Variants in AKAP6 observed in about 807,000 individuals in gnomAD.
AKAP6 encodes A-kinase anchoring protein 6.
AKAP6 carries 58 observed loss-of-function variants against 188.5 expected under a neutral mutation model. The observed-to-expected ratio is 0.31, with a 90% CI of 0.25 to 0.38. AKAP6 has a LOEUF of 0.38. Ranked by LOEUF, AKAP6 falls within the 10% of genes least tolerant of loss-of-function variation. The pLI is 1.00. For synonymous variants in AKAP6, 989 were observed against 998.6 expected (o/e 0.99, Z 0.18); for missense variants, 2,710 against 2,740.0 (o/e 0.99, Z 0.24).
At chr14:32,454,711 CCCTCCTTCTCTCCT>C in intron 2 of AKAP6, among the ~76,000 whole-genome samples, 1 of 57,954 alleles carries the variant, frequency 1.7e-5, no homozygotes, top group African/African-American at 6.7e-5. Context: ...CTCCCTCCTT[CCCTCCTTCTCTCCT>C]TCCCTCCTTC....
chr14:32,514,501 A>T (rs371190035), intron 2 of AKAP6, among the ~76,000 whole-genome samples: 99 of 152,340 alleles, frequency 6.5e-4, no homozygotes, highest in African/African-American at 2.3e-3. Context: ...GAAATCCCAA[A>T]TAGAACTTTG....
rs1313327338 is a variant in AKAP6, at chr14:32,438,272, C to T, written c.324+4455C>T. Reference sequence around the variant, plus strand: ...GGGAGTCTGCCCAGGAAAGTCTGTTCTTCTTCTGTAAATGGTTGTGCCTGG... The same window carrying T: ...GGGAGTCTGCCCAGGAAAGTCTGTTTTTCTTCTGTAAATGGTTGTGCCTGG... On this transcript the variant is annotated intron_variant, in intron 2 of 13. Transcript: ENST00000280979. 2.0e-5 allele frequency among the ~76,000 whole-genome samples: 3 copies of T among 151,940 alleles called. No homozygotes were observed. The East Asian group carries it at 5.8e-4, about 29-fold the overall frequency.
intron 7 of AKAP6, among the ~76,000 whole-genome samples, chr14:32,661,516 G>A (rs1260068015): frequency 6.6e-6 from 1 of 152,088 alleles, no homozygotes; most frequent in Non-Finnish European, 1.5e-5. Flanking sequence ...AGAGAGTTTC[G>A]ATTAAGTCCA....
intron 1 of AKAP6, among the ~76,000 whole-genome samples, chr14:32,400,572 A>AAAAAAAAAAAAAAC: frequency 6.7e-6 from 1 of 149,042 alleles, no homozygotes; most frequent in Non-Finnish European, 1.5e-5. Context: ...GCAAAAAAAA[A>AAAAAAAAAAAAAAC]AAAAAAAGAC....
intron 11 of AKAP6, among the ~76,000 whole-genome samples, chr14:32,746,800 C>G (rs1307187592): frequency 1.3e-5 from 2 of 152,136 alleles, no homozygotes. Flanking sequence ...GGTCAAAGAT[C>G]TGTTACTTGA....
intron 1 of AKAP6, chr14:32,385,054 A>G (rs1197497386): frequency 2.6e-5 from 4 of 151,568 alleles, no homozygotes; most frequent in African/African-American, 2.4e-5. Context: ...GCTCTAGACT[A>G]CTTTTTTGGT....
chr14:32,588,272 C>T (rs987838343), intron 5 of AKAP6, among the ~76,000 whole-genome samples: 2 of 152,208 alleles, frequency 1.3e-5, no homozygotes, highest in African/African-American at 4.8e-5. Flanking sequence ...ATCTATTGCA[C>T]ATTTTAGCAG....
chr14:32,435,117 A>G (rs1341211558), intron 2 of AKAP6, among the ~76,000 whole-genome samples: 2 of 152,134 alleles, frequency 1.3e-5, no homozygotes, highest in Non-Finnish European at 2.9e-5. Flanking sequence ...CAGGTCTCCA[A>G]CTCCTTGAGG....
chr14:32,534,964 TAA>T (rs1183676680), intron 2 of AKAP6, among the ~76,000 whole-genome samples: 3 of 46,692 alleles, frequency 6.4e-5, no homozygotes, highest in African/African-American at 7.7e-5. Context: ...AAACTCTATC[TAA>T]AAAAAAAAAA....
chr14:32,611,447 A>C (rs1478501255), intron 7 of AKAP6, among the ~76,000 whole-genome samples: 1 of 152,234 alleles, frequency 6.6e-6, no homozygotes, highest in Non-Finnish European at 1.5e-5. Context: ...CTTGTGTAAC[A>C]GTTGAAAATG....
chr14:32,797,842 C>T (rs1320087313), intron 12 of AKAP6, among the ~76,000 whole-genome samples: 3 of 150,574 alleles, frequency 2.0e-5, no homozygotes, highest in Admixed American at 6.6e-5. Context: ...GACATAGGCC[C>T]TTGCAAAGAT....
At chr14:32,460,797 C>A (rs902181833) in intron 2 of AKAP6, among the ~76,000 whole-genome samples, 3 of 152,230 alleles carry the variant, frequency 2.0e-5, no homozygotes, top group Non-Finnish European at 4.4e-5. Flanking sequence ...TCCCATGGAG[C>A]CCAGCAAGCT....
chr14:32,787,144 A>T lies in AKAP6; in HGVS notation c.3588+13251A>T, dbSNP rs76942265. Among the ~76,000 whole-genome samples the T allele has an allele frequency of 0.019, 2,852 of 152,340 alleles. 211 individuals are homozygous for T. In the East Asian group the frequency reaches 0.23, roughly 12 times the overall value. ...TAACATAACCAATTACCACATTTTA[A>T]TTAGAGTTCTAAGAACTCGAGGAAA... On this transcript the variant is annotated intron_variant, in intron 12 of 13. Coordinates refer to ENST00000280979, the MANE Select transcript of AKAP6 (RefSeq NM_004274.5).
intron 2 of AKAP6, among the ~76,000 whole-genome samples, chr14:32,492,355 T>TATATATATATATATATATAGAG: frequency 0.011 from 879 of 82,382 alleles, 13 homozygotes; most frequent in Admixed American, 0.017. Context: ...TATATATATA[T>TATATATATATATATATATAGAG]AGAGAGAGAG....
At position 32,530,342 on chromosome 14, in the gene AKAP6, CT is replaced by C. The variant is rs559119001; in HGVS notation, c.325-5209del. Among the ~76,000 whole-genome samples the C allele has an allele frequency of 3.0e-4, 45 of 152,020 alleles. No homozygotes were observed. In the East Asian group the frequency reaches 7.2e-3, roughly 24 times the overall value. ...TCACCCAGACATTAGGGGAATTTGCCTTTCTTTCCTTCTTTTTTTTTGTGTG... is the reference window on the plus strand; with the variant it reads ...TCACCCAGACATTAGGGGAATTTGCCTTCTTTCCTTCTTTTTTTTTGTGTG... On this transcript the variant is annotated intron_variant, in intron 2 of 13. Coordinates refer to ENST00000280979, the MANE Select transcript of AKAP6 (RefSeq NM_004274.5).
At chr14:32,762,538 G>T (rs910562104) in intron 11 of AKAP6, among the ~76,000 whole-genome samples, 3 of 151,916 alleles carry the variant, frequency 2.0e-5, no homozygotes, top group Non-Finnish European at 4.4e-5. Flanking sequence ...AGAGATAACC[G>T]CAGCTTTCGT....
Position 32,822,822 on chromosome 14 carries a change from G to C in AKAP6, c.5009G>C (p.Gly1670Ala). ...AGTTCCCAAAAGATGTCCTTTACTG[G>C]CCAGATGTCATTGGACATAGCATCT... ...QSSSQKMSFTGQMSLDIASSI... is the reference protein window; with the variant it reads ...QSSSQKMSFTAQMSLDIASSI... The change falls in exon 13 of 14, where the codon GGC becomes GCC. Residue 1670 changes from glycine (G) to alanine (A), a missense_variant. Gly to Ala is a moderately conservative substitution (Grantham distance 60). Coordinates refer to ENST00000280979, the MANE Select transcript of AKAP6 (RefSeq NM_004274.5). 6.2e-7 allele frequency: 1 copy of C among 1,613,866 alleles called. No homozygotes were observed. The highest frequency in any genetic ancestry group is 8.5e-7 in the Non-Finnish European group (1 of 1,179,926).
Position 32,545,328 on chromosome 14 carries a change from C to G in AKAP6, c.675C>G (p.Phe225Leu). 1 of 1,614,110 alleles carries G rather than the reference C, an allele frequency of 6.2e-7. No individual in the cohort carries two copies. The highest frequency in any genetic ancestry group is 1.1e-5 in the South Asian group (1 of 91,084). Reference protein sequence around the residue: ...YLSLDCGITAFELSDYSPSED... With the variant: ...YLSLDCGITALELSDYSPSED... ...CTCTGGATTGTGGCATTACTGCATT[C>G]GAACTGTCTGACTACAGTCCAAGTG... is the stretch of plus-strand genomic sequence containing the variant. Residue 225 changes from phenylalanine (F) to leucine (L), a missense_variant, in exon 4 of 14, where the codon TTC becomes TTG. Phe to Leu is a conservative substitution (Grantham distance 22). Coordinates refer to ENST00000280979, the MANE Select transcript of AKAP6 (RefSeq NM_004274.5).
chr14:32,817,075 C>T (rs2034396703), intron 12 of AKAP6, among the ~76,000 whole-genome samples: 1 of 152,022 alleles, frequency 6.6e-6, no homozygotes, highest in Non-Finnish European at 1.5e-5. Flanking sequence ...TACATCAATT[C>T]TCTATTAGGT....
Sources: gnomAD v4.1 joint callset for allele counts (sites outside exome capture counted in the v4.1 genomes callset) on GRCh38, gnomAD v4.1.1 for gene constraint, MANE v1.5 for transcripts, NCBI Gene and HGNC (gene_info 2026-07-23, HGNC 2026-07-21) for gene names.